The following GPATCH2L variants were observed in gnomAD, a reference collection of about 807,000 sequenced individuals.
The protein encoded by GPATCH2L is G patch domain-containing protein 2-like.
In GPATCH2L, 31 loss-of-function variants were observed where a neutral mutation model predicts 57.4. That is an observed-to-expected ratio of 0.54 (90% CI 0.41 to 0.73). GPATCH2L has a LOEUF of 0.73. Among genes scored for constraint, GPATCH2L ranks in the 30% least tolerant of loss-of-function variants. The probability of loss-of-function intolerance (pLI) is 0.00; values close to 1 mark genes in which losing one functional copy is unlikely to be tolerated. For missense variants in GPATCH2L, 481 were observed against 599.9 expected (o/e 0.80, Z 2.07); for synonymous variants, 199 against 210.7 (o/e 0.94, Z 0.48).
chr14:76,193,878 A>G (rs2360979), intron 8 of GPATCH2L, among the ~76,000 whole-genome samples: 85,736 of 152,030 alleles, frequency 0.56, 26,449 homozygotes, highest in South Asian at 0.77. Context: ...CTCCTTCTGA[A>G]TCATGCCTGA....
At chr14:76,178,179 A>G in intron 7 of GPATCH2L, 137 bp downstream of exon 7, 1 of 1,365,002 alleles carries the variant, frequency 7.3e-7, no homozygotes, top group Non-Finnish European at 1.0e-6. Context: ...TGTAGCATAT[A>G]TTTCATAGGA....
At chr14:76,229,810 G>T (rs1292441182) in exon 2 of GPATCH2L, 3 of 152,112 alleles carry the variant, frequency 2.0e-5, no homozygotes, top group African/African-American at 7.2e-5. Flanking sequence ...TTGATTAGGT[G>T]GTAGAAGGAC....
At chr14:76,221,877 A>G (rs1434523097) in intron 1 of GPATCH2L, among the ~76,000 whole-genome samples, 1 of 152,238 alleles carries the variant, frequency 6.6e-6, no homozygotes, top group Non-Finnish European at 1.5e-5. Context: ...AATACTCTGT[A>G]TGATACTACA....
intron 1 of GPATCH2L, among the ~76,000 whole-genome samples, chr14:76,221,361 T>C (rs1014845826): frequency 2.0e-5 from 3 of 152,150 alleles, no homozygotes; most frequent in South Asian, 2.1e-4. Context: ...CTGGTGAGCA[T>C]GTGGAGCAAC....
intron 3 of GPATCH2L, among the ~76,000 whole-genome samples, chr14:76,171,170 T>C (rs1358696218): frequency 6.6e-6 from 1 of 152,018 alleles, no homozygotes; most frequent in Non-Finnish European, 1.5e-5. Flanking sequence ...ATAATCAGCC[T>C]GTAATTCCAG....
intron 2 of GPATCH2L, among the ~76,000 whole-genome samples, chr14:76,160,948 G>A (rs1440881800): frequency 6.6e-6 from 1 of 152,206 alleles, no homozygotes; most frequent in East Asian, 1.9e-4. Context: ...TCACAGTATC[G>A]AACCTGTCAA....
chr14:76,195,937 C>T lies in GPATCH2L; in HGVS notation c.1253C>T (p.Pro418Leu). 6.2e-7 allele frequency: 1 copy of T among 1,613,728 alleles called. No homozygotes were observed. The highest frequency in any genetic ancestry group is 8.5e-7 in the Non-Finnish European group (1 of 1,179,670). ...CGTGACATCAAGAGGAAGCGGAAACCAGTGGCCACAGCATCTTTGTCTAGC... is the reference window on the plus strand; with the variant it reads ...CGTGACATCAAGAGGAAGCGGAAACTAGTGGCCACAGCATCTTTGTCTAGC... ...CSRDIKRKRK[P>L]VATASLSSPS... The change falls in exon 9 of 10, where the codon CCA becomes CTA. Residue 418 changes from proline to leucine, a missense_variant. Pro to Leu is a moderately conservative substitution (Grantham distance 98). Coordinates refer to ENST00000261530, the MANE Select transcript of GPATCH2L (RefSeq NM_017926.4).
rs1296117414 is a variant in GPATCH2L at position 76,171,824 on chromosome 14, T to TA, written c.728-18dup. 2.7e-6 allele frequency: 4 copies of TA among 1,485,534 alleles called. No individual in the cohort carries two copies. The highest frequency in any genetic ancestry group is 2.7e-6 in the Non-Finnish European group (3 of 1,100,008). 92.0% of individuals were successfully genotyped at this position (1,485,534 alleles called of 1,614,324 possible). On this transcript the variant is annotated intron_variant, in intron 3 of 9. Transcript: ENST00000261530. ...CCTTGTTTAAAATTCTAGCTTATGA[T>TA]ATGATGTCTTTACTTTAGGTGATGA...
chr14:76,222,551 G>A (rs1004233205), intron 1 of GPATCH2L, among the ~76,000 whole-genome samples: 2 of 152,218 alleles, frequency 1.3e-5, no homozygotes, highest in African/African-American at 4.8e-5. Context: ...AGGCTGCAAT[G>A]AGCTGAGATG....
intron 3 of GPATCH2L, among the ~76,000 whole-genome samples, chr14:76,169,206 T>C (rs1305084057): frequency 1.3e-5 from 2 of 152,246 alleles, no homozygotes; most frequent in African/African-American, 4.8e-5. Flanking sequence ...TTGTTCTCTG[T>C]GGCTCCTTGT....
In GPATCH2L at chr14:76,154,902, C is replaced by T. The variant is rs2038231424; in HGVS notation, c.539C>T (p.Ser180Leu). ...RWKENTPWTS[S>L]GHGLCESAEN... is the part of the protein sequence containing the mutation. ...AAGGAGAATACTCCCTGGACCTCAT[C>T]AGGCCACGGATTGTGTGAATCAGCA... The change falls in exon 2 of 10, where the codon TCA becomes TTA. Residue 180 changes from serine (S) to leucine (L), a missense_variant. By Grantham distance (145) the Ser-to-Leu change is moderately radical. Coordinates refer to ENST00000261530, the MANE Select transcript of GPATCH2L (RefSeq NM_017926.4). This position sits in a 1 kb window ranked among gnomAD's most constrained non-coding sequence, Gnocchi z 4.4. 6.2e-7 allele frequency: 1 copy of T among 1,614,030 alleles called. No homozygotes were observed. The highest frequency in any genetic ancestry group is 1.7e-5 in the Admixed American group (1 of 60,004).
rs1222453755 is a variant in GPATCH2L at position 76,207,002 on chromosome 14, G to A, written c.*5151G>A. 2 of 152,154 alleles carry A rather than the reference G, an allele frequency of 1.3e-5. No individual in the cohort carries two copies. Among genetic ancestry groups the A allele is most frequent in the Non-Finnish European group, 2.9e-5 (2 of 68,036 alleles). 9.4% of individuals were successfully genotyped at this position (152,154 alleles called of 1,614,324 possible). On this transcript the variant is annotated 3_prime_UTR_variant, in exon 10 of 10. Transcript: ENST00000261530. ...ATGCTATCAAGGGCTATGTTTAGGTGGATGGAAATAACCTTTTGAAAATGG... is the reference window on the plus strand; with the variant it reads ...ATGCTATCAAGGGCTATGTTTAGGTAGATGGAAATAACCTTTTGAAAATGG...
Position 76,204,899 on chromosome 14 carries a change from A to C in GPATCH2L, c.*3048A>C, listed in dbSNP as rs2040357428. The C allele has an allele frequency of 6.6e-6, 1 of 152,152 alleles. No individual in the cohort carries two copies. The highest frequency in any genetic ancestry group is 2.4e-5 in the African/African-American group (1 of 41,426). 9.4% of individuals were successfully genotyped at this position (152,152 alleles called of 1,614,324 possible). On this transcript the variant is annotated 3_prime_UTR_variant, in exon 10 of 10. Transcript: ENST00000261530. ...TTAGTTTTAATTACGAGTTTAAAGG[A>C]ATTTTAGATTTTTTTCAGATGCAGT... is the stretch of plus-strand genomic sequence containing the variant.
intron 3 of GPATCH2L, among the ~76,000 whole-genome samples, chr14:76,170,958 T>C (rs1024824153): frequency 2.0e-5 from 3 of 152,132 alleles, no homozygotes; most frequent in Non-Finnish European, 2.9e-5. Flanking sequence ...TTGGAAGAGA[T>C]GACATATTTA....
rs565258564 is a variant in GPATCH2L at position 76,172,185 on chromosome 14, A to C, written c.904+166A>C. The stretch of plus-strand genomic sequence containing the variant: ...GAGTCAAAGTAAGTCTCAAAGCTTA[A>C]GGTTCTCTCCATTCCTTCCTAAACT... On this transcript the variant is annotated intron_variant, in intron 4 of 9. Transcript: ENST00000261530. Among the ~76,000 whole-genome samples, 4 of 152,206 alleles carry C rather than the reference A, an allele frequency of 2.6e-5. No individual in the cohort carries two copies. In the South Asian group the frequency reaches 8.3e-4, roughly 32 times the overall value.
At chr14:76,179,594 G>A (rs1351944555) in intron 7 of GPATCH2L, 2 of 152,162 alleles carry the variant, frequency 1.3e-5, no homozygotes, top group Non-Finnish European at 2.9e-5. Context: ...AACCAAGATT[G>A]GAACCTCTGT....
chr14:76,220,231 A>G (rs989069773), intron 1 of GPATCH2L, among the ~76,000 whole-genome samples: 5 of 152,192 alleles, frequency 3.3e-5, no homozygotes, highest in Admixed American at 2.0e-4. Context: ...TGCCTAACAC[A>G]TGGGTAAATA....
Position 76,233,107 on chromosome 14 carries a change from G to C in GPATCH2L, c.*117+3154G>C, listed in dbSNP as rs889903716. ...GCGGATTCTTTACTACACACCCTAT[G>C]ACAAATATCTTTGTGCAGAAGCATT... On this transcript the variant is annotated intron_variant and NMD_transcript_variant, in intron 2 of 3. Transcript: ENST00000556372. 2.0e-4 allele frequency among the ~76,000 whole-genome samples: 31 copies of C among 152,296 alleles called. 1 individual carries two copies. Among genetic ancestry groups the C allele is most frequent in the Admixed American group, 4.6e-4 (7 of 15,284 alleles).
intron 8 of GPATCH2L, among the ~76,000 whole-genome samples, chr14:76,188,713 G>A (rs1219380217): frequency 3.3e-5 from 5 of 151,990 alleles, no homozygotes; most frequent in African/African-American, 1.2e-4. Context: ...AACTCAATGT[G>A]ATCCCATTTG....
Sources: allele counts gnomAD v4.1 joint callset (sites outside exome capture counted in the v4.1 genomes callset), GRCh38; gene constraint gnomAD v4.1.1; non-coding constraint Gnocchi (gnomAD v3.1); transcripts MANE v1.5; gene names NCBI Gene and HGNC (gene_info 2026-07-23, HGNC 2026-07-21).